COL4A6: variants seen among roughly 807,000 people sequenced by gnomAD.
The protein encoded by COL4A6 is collagen type IV alpha 6 chain.
COL4A6 carries 59 observed loss-of-function variants against 126.7 expected under a neutral mutation model. That is an observed-to-expected ratio of 0.47 (90% confidence interval 0.38 to 0.58). COL4A6 has a LOEUF of 0.58. Ranked by LOEUF, COL4A6 falls within the 20% of genes least tolerant of loss-of-function variation. The pLI is 0.00. For missense variants in COL4A6, 1,285 were observed against 1,337.3 expected, an observed-to-expected ratio of 0.96 and a Z score of 0.61; for synonymous variants, 547 against 496.6, an observed-to-expected ratio of 1.10 and a Z score of -1.35.
intron 2 of COL4A6, among the ~76,000 whole-genome samples, chrX:108,364,485 G>A (rs188587833): frequency 2.5e-4 from 28 of 110,965 alleles, no homozygotes; most frequent in Middle Eastern, 4.6e-3. Flanking sequence ...TTGTTACATG[G>A]ATATATTGCA....
intron 2 of COL4A6, among the ~76,000 whole-genome samples, chrX:108,430,700 G>A (rs1044251719): frequency 8.9e-6 from 1 of 111,803 alleles, no homozygotes; most frequent in African/African-American, 3.3e-5. Context: ...GAAAGCTGAT[G>A]GCTGCTTCTG....
At chrX:108,171,598 T>G in intron 32 of COL4A6, 137 bp from the exon 33 acceptor site, 1 of 488,585 alleles carries the variant, frequency 2.0e-6, no homozygotes, top group Non-Finnish European at 3.5e-6. Context: ...ATCTATTGGG[T>G]AAAAAGTGAT....
At chrX:108,246,773 C>T (rs771019406) in intron 3 of COL4A6, among the ~76,000 whole-genome samples, 40 of 104,315 alleles carry the variant, frequency 3.8e-4, no homozygotes, top group Non-Finnish European at 6.4e-4. Flanking sequence ...TGACCACTTC[C>T]TATCTACACA....
At chrX:108,218,000 A>G (rs893157094) in intron 5 of COL4A6, among the ~76,000 whole-genome samples, 11 of 112,076 alleles carry the variant, frequency 9.8e-5, no homozygotes, top group Non-Finnish European at 1.5e-4. Flanking sequence ...CAAGCAATGA[A>G]GCCTCGAAGA....
At chrX:108,178,612 C>A (rs924093774) in intron 27 of COL4A6, 72 bp downstream of exon 27, 1 of 1,066,994 alleles carries the variant, frequency 9.4e-7, no homozygotes, top group Non-Finnish European at 1.3e-6. Context: ...CTGCTATTGC[C>A]CCCCCAGGGC....
intron 2 of COL4A6, among the ~76,000 whole-genome samples, chrX:108,358,008 C>A (rs945001179): frequency 2.7e-5 from 3 of 111,604 alleles, no homozygotes; most frequent in Non-Finnish European, 5.6e-5. Context: ...GAGTTGAAAG[C>A]AGATTCAAGG....
chrX:108,301,573 C>T (rs903340273), intron 3 of COL4A6, among the ~76,000 whole-genome samples: 1 of 111,083 alleles, frequency 9.0e-6, no homozygotes, highest in African/African-American at 3.3e-5. Context: ...ATTATGGCCA[C>T]AAAGGTTTCA....
At chrX:108,298,217 T>G (rs1050122999) in intron 3 of COL4A6, among the ~76,000 whole-genome samples, 14 of 112,051 alleles carry the variant, frequency 1.2e-4, no homozygotes, top group Admixed American at 1.9e-4. Flanking sequence ...AGGGACGTTT[T>G]AGGCCTTCCA....
intron 2 of COL4A6, among the ~76,000 whole-genome samples, chrX:108,389,047 A>C (rs1230794321): frequency 9.0e-6 from 1 of 111,683 alleles, no homozygotes; most frequent in Non-Finnish European, 1.9e-5. Context: ...CTTAATCCTG[A>C]GTTCTAATTT....
At chrX:108,214,528 A>G (rs1303760138) in intron 5 of COL4A6, among the ~76,000 whole-genome samples, 1 of 112,306 alleles carries the variant, frequency 8.9e-6, no homozygotes, top group Non-Finnish European at 1.9e-5. Flanking sequence ...CCTTGTATAC[A>G]AAGATGTACT....
intron 3 of COL4A6, among the ~76,000 whole-genome samples, chrX:108,225,830 G>A (rs1231122928): frequency 7.1e-5 from 8 of 112,824 alleles, no homozygotes; most frequent in Non-Finnish European, 1.5e-4. Flanking sequence ...TAAGGTTCCA[G>A]TGTTCTTCTC....
intron 23 of COL4A6, among the ~76,000 whole-genome samples, chrX:108,186,752 C>G (rs974452728): frequency 9.1e-6 from 1 of 110,491 alleles, no homozygotes; most frequent in African/African-American, 3.3e-5. Flanking sequence ...ATCTCCCACT[C>G]ATTGCTTTGA....
intron 42 of COL4A6, among the ~76,000 whole-genome samples, chrX:108,161,399 C>G (rs913561621): frequency 9.0e-6 from 1 of 111,639 alleles, no homozygotes; most frequent in African/African-American, 3.3e-5. Context: ...GGATTTGGAA[C>G]AGTCCTTTGC....
intron 3 of COL4A6, among the ~76,000 whole-genome samples, chrX:108,258,345 T>C (rs977879025): frequency 1.8e-4 from 20 of 112,145 alleles, no homozygotes; most frequent in African/African-American, 6.5e-4. Flanking sequence ...CCTCAGGATA[T>C]GGCAAAAGAC....
At chrX:108,164,727 G>A in intron 39 of COL4A6, 29 bp from the exon 40 acceptor site, 1 of 1,201,225 alleles carries the variant, frequency 8.3e-7, no homozygotes, top group Non-Finnish European at 1.1e-6. Context: ...AGCAAGTCAG[G>A]TCCCGGCATG....
chrX:108,318,620 C>G (rs1368910606), intron 2 of COL4A6, among the ~76,000 whole-genome samples: 4 of 111,822 alleles, frequency 3.6e-5, no homozygotes, highest in African/African-American at 1.3e-4. Context: ...AACTCCCATT[C>G]ACAATTGCTT....
chrX:108,331,992 C>T (rs1020021617), intron 2 of COL4A6, among the ~76,000 whole-genome samples: 7 of 111,429 alleles, frequency 6.3e-5, no homozygotes, highest in African/African-American at 2.0e-4. Context: ...TTTCATCCCT[C>T]ACCCCACTTC....
intron 3 of COL4A6, among the ~76,000 whole-genome samples, chrX:108,301,856 C>T (rs920910691): frequency 8.9e-5 from 10 of 111,790 alleles, no homozygotes; most frequent in Non-Finnish European, 1.3e-4. Context: ...TGTTTCACTT[C>T]TCCCAGTTCC....
intron 2 of COL4A6, among the ~76,000 whole-genome samples, chrX:108,356,883 C>T (rs374540413): frequency 1.2e-4 from 13 of 107,110 alleles, no homozygotes; most frequent in Non-Finnish European, 1.7e-4. Context: ...ATAATAAGAG[C>T]AGAAGAAGCA....
Sources: gnomAD v4.1 joint callset for allele counts (sites outside exome capture counted in the v4.1 genomes callset) on GRCh38, gnomAD v4.1.1 for gene constraint, MANE v1.5 for transcripts, NCBI Gene and HGNC (gene_info 2026-07-23, HGNC 2026-07-21) for gene names.